Variants in KLHL42 observed in about 807,000 individuals in gnomAD.
The protein encoded by KLHL42 is kelch-like protein 42.
In KLHL42, 27 loss-of-function variants were observed where a neutral mutation model predicts 32.7. That is an observed-to-expected ratio of 0.83 (90% CI 0.61 to 1.14). The LOEUF is 1.14. Ranked by LOEUF, KLHL42 falls within the 50% of genes most tolerant of loss-of-function variation. KLHL42 has a pLI of 0.00. For missense variants in KLHL42, 491 were observed against 560.8 expected, an observed-to-expected ratio of 0.88 and a Z score of 1.26; for synonymous variants, 267 against 248.2, an observed-to-expected ratio of 1.08 and a Z score of -0.71.
rs1290659160 is a variant in KLHL42 at position 27,803,001 on chromosome 12, T to A, written c.*4835T>A. 2.0e-5 allele frequency: 3 copies of A among 152,232 alleles called. No homozygotes were observed. Among genetic ancestry groups the A allele is most frequent in the African/African-American group, 7.2e-5 (3 of 41,450 alleles). 9.4% of individuals were successfully genotyped at this position (152,232 alleles called of 1,614,324 possible). On this transcript the variant is annotated 3_prime_UTR_variant, in exon 3 of 3. Coordinates refer to ENST00000381271, the MANE Select transcript of KLHL42 (RefSeq NM_020782.2). ...ACAGCATTCCTTTTGTGTTTAGAAC[T>A]ATAGAAGAAAATGTCTTCAAATAAA...
rs1393932138 is a variant in KLHL42, at chr12:27,801,202, CA to C, written c.*3037del. 4 of 140,758 alleles carry C rather than the reference CA, an allele frequency of 2.8e-5. No homozygotes were observed. The highest frequency in any genetic ancestry group is 1.1e-4 in the African/African-American group (4 of 35,566). 8.7% of individuals were successfully genotyped at this position (140,758 alleles called of 1,614,324 possible). A position where few individuals can be genotyped will look rare whatever the true frequency, so the allele number is the denominator to read the frequency against. ...AGAACCAAAGAGAATTTAACCCTGC[CA>C]TTTTTTTTTTTTTAACACCAAGATC... is the stretch of plus-strand genomic sequence containing the variant. On this transcript the variant is annotated 3_prime_UTR_variant, in exon 3 of 3. Transcript: ENST00000381271.
intron 1 of KLHL42, among the ~76,000 whole-genome samples, chr12:27,784,446 G>T (rs2062163167): frequency 6.6e-6 from 1 of 151,834 alleles, no homozygotes. Flanking sequence ...AGCTGTGTAT[G>T]CATGTTTTAA....
At chr12:27,785,106 A>G (rs1309579229) in intron 1 of KLHL42, among the ~76,000 whole-genome samples, 1 of 152,224 alleles carries the variant, frequency 6.6e-6, no homozygotes, top group Non-Finnish European at 1.5e-5. Flanking sequence ...GCTGAGAGCT[A>G]TCGCCCCACC....
chr12:27,799,945 T>A lies in KLHL42; in HGVS notation c.*1779T>A. ...AAAAAATAAAACCTCTGAACCAAAA[T>A]CTTCCCAGGAATAGTACTTAATAGA... is the stretch of plus-strand genomic sequence containing the variant. On this transcript the variant is annotated 3_prime_UTR_variant, in exon 3 of 3. Coordinates refer to ENST00000381271, the MANE Select transcript of KLHL42 (RefSeq NM_020782.2). The A allele has an allele frequency of 2.2e-6, 2 of 899,502 alleles. No homozygotes were observed. Among genetic ancestry groups the A allele is most frequent in the Non-Finnish European group, 2.7e-6 (2 of 751,570 alleles). The allele number at this position is 899,502 out of a possible 1,614,324, so 55.7% of individuals were successfully genotyped here. A position where few individuals can be genotyped will look rare whatever the true frequency, so the allele number is the denominator to read the frequency against.
intron 1 of KLHL42, among the ~76,000 whole-genome samples, chr12:27,782,562 G>C (rs2062153708): frequency 6.6e-6 from 1 of 152,018 alleles, no homozygotes; most frequent in Admixed American, 6.6e-5. Flanking sequence ...AACAACAAAG[G>C]AACATTGTGT....
In KLHL42 at chr12:27,798,323, A is replaced by G; in HGVS notation, c.*157A>G. 1.8e-6 allele frequency: 1 copy of G among 556,286 alleles called. No individual in the cohort carries two copies. The highest frequency in any genetic ancestry group is 3.2e-6 in the Non-Finnish European group (1 of 315,006). 34.5% of individuals were successfully genotyped at this position (556,286 alleles called of 1,614,324 possible). On this transcript the variant is annotated 3_prime_UTR_variant, in exon 3 of 3. Coordinates refer to ENST00000381271, the MANE Select transcript of KLHL42 (RefSeq NM_020782.2). ...GTAAATAAGCTTACTTGAACTAATT[A>G]CTTGAAAACTGGTGGAAAAAAGAGA...
At chr12:27,786,811 G>A (rs929231373) in intron 1 of KLHL42, among the ~76,000 whole-genome samples, 50 of 144,806 alleles carry the variant, frequency 3.5e-4, no homozygotes, top group Middle Eastern at 3.5e-3. Context: ...CAAGCTCCGC[G>A]TCCCGTGTTA....
In KLHL42 at chr12:27,797,698, GTCTT is replaced by G. The variant is rs769160380; in HGVS notation, c.1067-6_1067-3del. 5.9e-6 allele frequency: 4 copies of G among 680,148 alleles called. No homozygotes were observed. The highest frequency in any genetic ancestry group is 1.8e-5 in the African/African-American group (1 of 56,068). 42.1% of individuals were successfully genotyped at this position (680,148 alleles called of 1,614,324 possible). A position where few individuals can be genotyped will look rare whatever the true frequency, so the allele number is the denominator to read the frequency against. On this transcript the variant is annotated splice_polypyrimidine_tract_variant and intron_variant, in intron 2 of 2. Coordinates refer to ENST00000381271, the MANE Select transcript of KLHL42 (RefSeq NM_020782.2). ...GTTAGTGGAGGCGGTGTCATCACTTGTCTTTCTTTCTTTCAGACCGGAACATGAA... is the reference window on the plus strand; with the variant it reads ...GTTAGTGGAGGCGGTGTCATCACTTGTCTTTCTTTCAGACCGGAACATGAA...
intron 1 of KLHL42, among the ~76,000 whole-genome samples, chr12:27,787,340 C>G (rs1281726699): frequency 2.0e-5 from 3 of 151,662 alleles, no homozygotes; most frequent in Non-Finnish European, 4.4e-5. Context: ...ACTAATAATA[C>G]AAAAATTAGC....
chr12:27,798,244 A>G lies in KLHL42; in HGVS notation c.*78A>G. 1 of 695,586 alleles carries G rather than the reference A, an allele frequency of 1.4e-6. No individual in the cohort carries two copies. Among genetic ancestry groups the G allele is most frequent in the South Asian group, 1.7e-5 (1 of 59,766 alleles). 43.1% of individuals were successfully genotyped at this position (695,586 alleles called of 1,614,324 possible). A position where few individuals can be genotyped will look rare whatever the true frequency, so the allele number is the denominator to read the frequency against. Reference sequence around the variant, plus strand: ...TGGTGTCCCATTCCAAGGGAGACCAATTCCTAAAGGGTAAAGAAGGGTTAA... The same window carrying G: ...TGGTGTCCCATTCCAAGGGAGACCAGTTCCTAAAGGGTAAAGAAGGGTTAA... On this transcript the variant is annotated 3_prime_UTR_variant, in exon 3 of 3. Transcript: ENST00000381271.
intron 1 of KLHL42, among the ~76,000 whole-genome samples, chr12:27,784,133 G>T (rs2347220): frequency 0.27 from 36,676 of 137,540 alleles, 5,067 homozygotes; most frequent in East Asian, 0.56. Flanking sequence ...TTTTTTTTTT[G>T]TTTTTGTTTT....
At chr12:27,784,048 A>G (rs2062160509) in intron 1 of KLHL42, among the ~76,000 whole-genome samples, 1 of 151,806 alleles carries the variant, frequency 6.6e-6, no homozygotes, top group African/African-American at 2.4e-5. Flanking sequence ...CATGTATCTT[A>G]GTAGCCATAT....
chr12:27,780,761 A>T lies in KLHL42; in HGVS notation c.431A>T (p.Asp144Val). The change falls in exon 1 of 3, where the codon GAC becomes GTC. Residue 144 changes from aspartate to valine, a missense_variant. Transcript: ENST00000381271. The surrounding 1 kb of genome is among the most constrained non-coding windows in gnomAD (Gnocchi z 8.8). ...CTGGCGCAGGTGTACGGGCTGCCCG[A>T]CCTGCAGGAGGCCTGCCTGCGCTTC... ...YRLAQVYGLP[D>V]LQEACLRFMV... 1 of 1,613,128 alleles carries T rather than the reference A, an allele frequency of 6.2e-7. No homozygotes were observed. The highest frequency in any genetic ancestry group is 8.5e-7 in the Non-Finnish European group (1 of 1,179,994).
rs1162062614 is a variant in KLHL42 at position 27,799,779 on chromosome 12, A to G, written c.*1613A>G. 3 of 171,000 alleles carry G rather than the reference A, an allele frequency of 1.8e-5. No homozygotes were observed. Among genetic ancestry groups the G allele is most frequent in the Non-Finnish European group, 3.5e-5 (3 of 84,916 alleles). The allele number at this position is 171,000 out of a possible 1,614,324, so 10.6% of individuals were successfully genotyped here. A position where few individuals can be genotyped will look rare whatever the true frequency, so the allele number is the denominator to read the frequency against. On this transcript the variant is annotated 3_prime_UTR_variant, in exon 3 of 3. Coordinates refer to ENST00000381271, the MANE Select transcript of KLHL42 (RefSeq NM_020782.2). Reference sequence around the variant, plus strand: ...CAACTTTTTGGGAATACTTCTATTAACTAAAATGAGGTAAGCCATTATTTT... The same window carrying G: ...CAACTTTTTGGGAATACTTCTATTAGCTAAAATGAGGTAAGCCATTATTTT...
At chr12:27,791,112 G>A (rs1235810280) in intron 1 of KLHL42, among the ~76,000 whole-genome samples, 1 of 152,152 alleles carries the variant, frequency 6.6e-6, no homozygotes, top group Admixed American at 6.5e-5. Context: ...GTTCAGTGCT[G>A]ACCTCTCCCC....
rs186362994 is a variant in KLHL42 at position 27,795,474 on chromosome 12, T to C, written c.1067-2241T>C. Among the ~76,000 whole-genome samples the C allele has an allele frequency of 6.0e-3, 915 of 152,294 alleles. 39 individuals are homozygous for C. The highest frequency in any genetic ancestry group is 0.057 in the Admixed American group (878 of 15,296). Reference sequence around the variant, plus strand: ...GGGATGGTTCAGTGATGTGGATGGATGGCTATTTGTGTAAGGGCCGAAAAC... The same window carrying C: ...GGGATGGTTCAGTGATGTGGATGGACGGCTATTTGTGTAAGGGCCGAAAAC... On this transcript the variant is annotated intron_variant, in intron 2 of 2. Transcript: ENST00000381271.
rs2062231941 is a variant in KLHL42 at position 27,798,938 on chromosome 12, TA to T, written c.*773del. 6.6e-6 allele frequency: 1 copy of T among 152,572 alleles called. No homozygotes were observed. Among genetic ancestry groups the T allele is most frequent in the Admixed American group, 6.5e-5 (1 of 15,272 alleles). 9.5% of individuals were successfully genotyped at this position (152,572 alleles called of 1,614,324 possible). Reference sequence around the variant, plus strand: ...CTGTATTGTTTTAAAGAGGATATATTATTTAGAAAAATGGACATATGAATAT... The same window carrying T: ...CTGTATTGTTTTAAAGAGGATATATTTTTAGAAAAATGGACATATGAATAT... On this transcript the variant is annotated 3_prime_UTR_variant, in exon 3 of 3. Transcript: ENST00000381271.
At position 27,791,646 on chromosome 12, in the gene KLHL42, A is replaced by G. The variant is rs190820327; in HGVS notation, c.873-62A>G. 183 of 1,396,492 alleles carry G rather than the reference A, an allele frequency of 1.3e-4. 1 individual carries two copies. The East Asian group carries it at 3.8e-3, about 29-fold the overall frequency. 86.5% of individuals were successfully genotyped at this position (1,396,492 alleles called of 1,614,324 possible). A position where few individuals can be genotyped will look rare whatever the true frequency, so the allele number is the denominator to read the frequency against. On this transcript the variant is annotated intron_variant, in intron 1 of 2. Coordinates refer to ENST00000381271, the MANE Select transcript of KLHL42 (RefSeq NM_020782.2). ...TCAGGAGAGTCTAGTAGTTCATGCCATTGTTACACTTTTCATTGATCAGAA... is the reference window on the plus strand; with the variant it reads ...TCAGGAGAGTCTAGTAGTTCATGCCGTTGTTACACTTTTCATTGATCAGAA...
intron 2 of KLHL42, chr12:27,797,365 T>C (rs1159559288): frequency 1.0e-5 from 5 of 477,962 alleles, no homozygotes; most frequent in East Asian, 6.3e-5. Flanking sequence ...TTTGTAGCTA[T>C]TGATGAGGGT....
Sources: allele counts gnomAD v4.1 joint callset (sites outside exome capture counted in the v4.1 genomes callset), GRCh38; gene constraint gnomAD v4.1.1; non-coding constraint Gnocchi (gnomAD v3.1); transcripts MANE v1.5; gene names NCBI Gene and HGNC (gene_info 2026-07-23, HGNC 2026-07-21).